The following ST3GAL2 variants were observed in gnomAD, a reference collection of about 807,000 sequenced individuals.
ST3GAL2 encodes the protein ST3 beta-galactoside alpha-2,3-sialyltransferase 2.
Under a neutral mutation model 37.5 loss-of-function variants are expected in ST3GAL2, and 16 were observed. The observed-to-expected ratio is 0.43, with a 90% CI of 0.29 to 0.65. ST3GAL2 has a LOEUF of 0.65. Among genes scored for constraint, ST3GAL2 ranks in the 30% least tolerant of loss-of-function variants. The pLI, the probability that ST3GAL2 is intolerant of heterozygous loss-of-function variation, is 0.17. For synonymous variants in ST3GAL2, 238 were observed against 202.9 expected (o/e 1.17, Z -1.47); for missense variants, 383 against 487.8 (o/e 0.79, Z 2.02).
chr16:70,428,471 C>G (rs1234943616), intron 1 of ST3GAL2, among the ~76,000 whole-genome samples: 3 of 152,218 alleles, frequency 2.0e-5, no homozygotes, highest in African/African-American at 7.2e-5. Context: ...CAACCCCTCC[C>G]CCGCTTCCTG....
intron 3 of ST3GAL2, among the ~76,000 whole-genome samples, chr16:70,391,691 C>A (rs921488745): frequency 4.6e-5 from 7 of 152,174 alleles, no homozygotes; most frequent in African/African-American, 1.7e-4. Context: ...CAGGGGTAGG[C>A]AGGGGGTAGA....
At chr16:70,438,462 G>T (rs1046722193) in intron 1 of ST3GAL2, among the ~76,000 whole-genome samples, 3 of 152,176 alleles carry the variant, frequency 2.0e-5, no homozygotes, top group Non-Finnish European at 2.9e-5. Context: ...GGATGGTTAG[G>T]GGGCAGTGCC....
At position 70,398,261 on chromosome 16, in the gene ST3GAL2, G is replaced by T. The variant is rs757266065; in HGVS notation, c.270C>A (p.Asp90Glu). 1.2e-6 allele frequency: 2 copies of T among 1,613,452 alleles called. No individual in the cohort carries two copies. The highest frequency in any genetic ancestry group is 1.7e-6 in the Non-Finnish European group (2 of 1,180,038). The stretch of plus-strand genomic sequence containing the variant: ...GGGTCCAGACGGGGGAAATGTTACC[G>T]TCAAAGTGGCTGTCAAACCAGTCGG... ...GASDWFDSHF[D>E]GNISPVWTRE... The change falls in exon 2 of 7, where the codon GAC (aspartate) becomes GAA (glutamate). Residue 90 changes from aspartate (D) to glutamate (E), a missense_variant. This residue lies in a region of ST3GAL2 where 223 missense variants were observed against 239.1 expected (regional missense o/e 0.93). Transcript: ENST00000342907.
At chr16:70,429,603 A>G (rs2151680171) in intron 1 of ST3GAL2, among the ~76,000 whole-genome samples, 1 of 150,214 alleles carries the variant, frequency 6.7e-6, no homozygotes, top group South Asian at 2.1e-4. Flanking sequence ...AAAAAAAAAA[A>G]AAAAAGAGTG....
chr16:70,426,212 G>A (rs577429677), intron 1 of ST3GAL2, among the ~76,000 whole-genome samples: 18 of 14,396 alleles, frequency 1.3e-3, no homozygotes, highest in Admixed American at 8.5e-3. Context: ...TTTTGTTTTT[G>A]AGACTGAATC....
rs1468878304 is a variant in ST3GAL2, at chr16:70,381,489, G to C, written c.*200C>G. ...GAAGTTTTCCTTGAGTCACATGATT[G>C]GCTGGGAGAAACAGAAGCTCCGCCC... is the stretch of plus-strand genomic sequence containing the variant. On this transcript the variant is annotated 3_prime_UTR_variant, in exon 7 of 7. Transcript: ENST00000342907. 6 of 632,678 alleles carry C rather than the reference G, an allele frequency of 9.5e-6. 1 individual carries two copies. The Admixed American group carries it at 1.5e-4, about 16-fold the overall frequency. The allele number at this position is 632,678 out of a possible 1,614,324, so 39.2% of individuals were successfully genotyped here. A position where few individuals can be genotyped will look rare whatever the true frequency, so the allele number is the denominator to read the frequency against.
intron 3 of ST3GAL2, among the ~76,000 whole-genome samples, chr16:70,392,441 G>A (rs1400478954): frequency 1.3e-5 from 2 of 152,224 alleles, no homozygotes; most frequent in African/African-American, 2.4e-5. Flanking sequence ...GGACAGGGGC[G>A]CAAGTGGGGT....
rs776217838 is a variant in ST3GAL2, at chr16:70,398,299, C to T, written c.232G>A (p.Asp78Asn). Reference sequence around the variant, plus strand: ...TCAAACCAGTCGGAGGCACCGGCATCGCCCATGCAGCGGCGACAGGCACAG... The same window carrying T: ...TCAAACCAGTCGGAGGCACCGGCATTGCCCATGCAGCGGCGACAGGCACAG... ...KSCACRRCMG[D>N]AGASDWFDSH... Residue 78 changes from aspartate (D) to asparagine (N), a missense_variant, in exon 2 of 7, where the codon GAT becomes AAT. By Grantham distance (23) the Asp-to-Asn change is conservative. Around this residue, in one of 2 missense-constraint regions of ST3GAL2, gnomAD observed 223 missense variants for 239.1 expected, o/e 0.93. Transcript: ENST00000342907. The T allele has an allele frequency of 3.6e-5, 58 of 1,613,402 alleles. No homozygotes were observed. Among genetic ancestry groups the T allele is most frequent in the Middle Eastern group, 1.7e-4 (1 of 6,060 alleles).
At chr16:70,386,604 T>C (rs917476304) in intron 4 of ST3GAL2, among the ~76,000 whole-genome samples, 1 of 152,096 alleles carries the variant, frequency 6.6e-6, no homozygotes, top group African/African-American at 2.4e-5. Flanking sequence ...CCCAAAGGGC[T>C]GGGATTACAG....
At chr16:70,438,579 G>C (rs1040104411) in intron 1 of ST3GAL2, among the ~76,000 whole-genome samples, 2 of 150,634 alleles carry the variant, frequency 1.3e-5, no homozygotes, top group Non-Finnish European at 3.0e-5. Context: ...GAGGCCGGGA[G>C]ACCCAGGGTT....
chr16:70,376,239 G>A lies in ST3GAL2; in HGVS notation c.*5450C>T, dbSNP rs984170421. ...TCCGTGATTCACTTCATATGTTTAT[G>A]TATTGGTTGAATTATTTTTGTAATT... is the stretch of plus-strand genomic sequence containing the variant. On this transcript the variant is annotated 3_prime_UTR_variant, in exon 7 of 7. Coordinates refer to ENST00000342907, the MANE Select transcript of ST3GAL2 (RefSeq NM_006927.4). 2.0e-5 allele frequency: 3 copies of A among 152,194 alleles called. No individual in the cohort carries two copies. Among genetic ancestry groups the A allele is most frequent in the African/African-American group, 7.2e-5 (3 of 41,450 alleles). The allele number at this position is 152,194 out of a possible 1,614,324, so 9.4% of individuals were successfully genotyped here.
intron 1 of ST3GAL2, among the ~76,000 whole-genome samples, chr16:70,416,804 T>A (rs991845502): frequency 3.3e-5 from 5 of 151,426 alleles, no homozygotes; most frequent in Admixed American, 2.6e-4. Context: ...GAAAGGGGTG[T>A]GCGTGTAAAG....
rs2047530510 is a variant in ST3GAL2 at position 70,398,255 on chromosome 16, G to A, written c.276C>T (p.Asn92=). 8.1e-6 allele frequency: 13 copies of A among 1,613,466 alleles called. No individual in the cohort carries two copies. The highest frequency in any genetic ancestry group is 1.0e-5 in the Non-Finnish European group (12 of 1,180,046). ...SDWFDSHFDG[N]ISPVWTRENM... Reference sequence around the variant, plus strand: ...TCTCTCGGGTCCAGACGGGGGAAATGTTACCGTCAAAGTGGCTGTCAAACC... The same window carrying A: ...TCTCTCGGGTCCAGACGGGGGAAATATTACCGTCAAAGTGGCTGTCAAACC... Residue 92 remains asparagine (N), a synonymous_variant, in exon 2 of 7, where the codon AAC becomes AAT. Transcript: ENST00000342907.
chr16:70,406,181 C>T (rs1224805276), intron 1 of ST3GAL2, among the ~76,000 whole-genome samples: 1 of 152,122 alleles, frequency 6.6e-6, no homozygotes, highest in African/African-American at 2.4e-5. Context: ...TGGTGGCTCA[C>T]CCCTGTAATC....
At chr16:70,401,710 G>C (rs2047556391) in intron 1 of ST3GAL2, among the ~76,000 whole-genome samples, 1 of 152,064 alleles carries the variant, frequency 6.6e-6, no homozygotes, top group African/African-American at 2.4e-5. Flanking sequence ...GAGCTCGGAG[G>C]AGGCAGGCCC....
At chr16:70,430,543 T>TGAATGGGATCCC (rs1340206084) in intron 1 of ST3GAL2, among the ~76,000 whole-genome samples, 1 of 152,204 alleles carries the variant, frequency 6.6e-6, no homozygotes, top group East Asian at 1.9e-4. Flanking sequence ...GAGGGGAGCC[T>TGAATGGGATCCC]GAATGGGATC....
chr16:70,415,714 A>G (rs1490626777), intron 1 of ST3GAL2, among the ~76,000 whole-genome samples: 1 of 150,136 alleles, frequency 6.7e-6, no homozygotes, highest in African/African-American at 2.5e-5. Context: ...GGCCTCCCAA[A>G]GTGCTAGGAT....
At chr16:70,390,022 G>A (rs1370624871) in intron 3 of ST3GAL2, among the ~76,000 whole-genome samples, 2 of 151,878 alleles carry the variant, frequency 1.3e-5, no homozygotes, top group East Asian at 1.9e-4. Flanking sequence ...TCCTGACCTC[G>A]TGATCCGCCC....
At chr16:70,425,186 G>A (rs746157987) in intron 1 of ST3GAL2, among the ~76,000 whole-genome samples, 1 of 152,132 alleles carries the variant, frequency 6.6e-6, no homozygotes, top group Non-Finnish European at 1.5e-5. Flanking sequence ...GATAGGCCAG[G>A]CGCAGCAGCT....
Sources: gnomAD v4.1 joint callset for allele counts (sites outside exome capture counted in the v4.1 genomes callset) on GRCh38, gnomAD v4.1.1 for gene constraint, gnomAD v4.1.1 regional missense constraint, MANE v1.5 for transcripts, NCBI Gene and HGNC (gene_info 2026-07-23, HGNC 2026-07-21) for gene names.